The following DMXL2 variants were observed in gnomAD, a reference collection of about 807,000 sequenced individuals.
DMXL2 encodes Dmx like 2.
A neutral mutation model predicts 331.1 loss-of-function variants in DMXL2; 103 were observed. The observed-to-expected ratio is 0.31, with a 90% CI of 0.27 to 0.37. The LOEUF (loss-of-function observed/expected upper bound fraction) is 0.37. Ranked by LOEUF, DMXL2 falls within the 10% of genes least tolerant of loss-of-function variation. DMXL2 has a pLI of 1.00. For synonymous variants in DMXL2, 1,281 were observed against 1,252.1 expected (o/e 1.02, Z -0.49); for missense variants, 3,171 against 3,642.9 (o/e 0.87, Z 3.33).
At chr15:51,452,653 T>C (rs759575254) in intron 41 of DMXL2, among the ~76,000 whole-genome samples, 1 of 152,098 alleles carries the variant, frequency 6.6e-6, no homozygotes, top group Non-Finnish European at 1.5e-5. Context: ...GAATGTAAAC[T>C]AGTAAAACCA....
intron 1 of DMXL2, among the ~76,000 whole-genome samples, chr15:51,598,541 C>T (rs1567170424): frequency 1.3e-5 from 2 of 152,246 alleles, no homozygotes; most frequent in Non-Finnish European, 1.5e-5. Flanking sequence ...TTAGCTATGT[C>T]TTTTTAGACT....
chr15:51,594,660 C>A (rs1371151244), intron 1 of DMXL2, among the ~76,000 whole-genome samples: 3 of 152,124 alleles, frequency 2.0e-5, no homozygotes, highest in African/African-American at 7.2e-5. Context: ...ATGCAAAAAT[C>A]CTCAATAAAA....
intron 1 of DMXL2, among the ~76,000 whole-genome samples, chr15:51,590,567 AT>A (rs201274138): frequency 0.049 from 7,264 of 147,110 alleles, 458 homozygotes; most frequent in African/African-American, 0.15. Flanking sequence ...TTCCATTTTA[AT>A]TTTTTTTTTT....
chr15:51,539,054 C>T (rs1567088697), intron 9 of DMXL2, among the ~76,000 whole-genome samples: 1 of 151,368 alleles, frequency 6.6e-6, no homozygotes, highest in Non-Finnish European at 1.5e-5. Context: ...TACTAAAATA[C>T]AAAAAATTAG....
In DMXL2 at chr15:51,464,731, A is replaced by C; in HGVS notation, c.7752T>G (p.Ala2584=). 6.2e-7 allele frequency: 1 copy of C among 1,614,160 alleles called. No homozygotes were observed. The highest frequency in any genetic ancestry group is 8.5e-7 in the Non-Finnish European group (1 of 1,180,012). Reference sequence around the variant, plus strand: ...CTTTATTTCGAAGAATAGCTGGTCCAGCTCCCACTGAAAGGTCAGTTGGAT... The same window carrying C: ...CTTTATTTCGAAGAATAGCTGGTCCCGCTCCCACTGAAAGGTCAGTTGGAT... ...NTYPTDLSVG[A]GPAILRNKAM... Residue 2584 remains alanine (A), a synonymous_variant, in exon 32 of 44, where the codon GCT becomes GCG. Coordinates refer to ENST00000560891, the MANE Select transcript of DMXL2 (RefSeq NM_001378457.1).
chr15:51,537,294 C>T (rs890933001), intron 11 of DMXL2, among the ~76,000 whole-genome samples, 194 bp downstream of exon 11: 1 of 152,108 alleles, frequency 6.6e-6, no homozygotes, highest in Non-Finnish European at 1.5e-5. Context: ...AGGCCAAATT[C>T]ATTATCTTCT....
chr15:51,503,283 T>C (rs553525824), intron 16 of DMXL2, among the ~76,000 whole-genome samples: 63 of 152,308 alleles, frequency 4.1e-4, no homozygotes, highest in Admixed American at 7.2e-4. Context: ...ACATTTATTG[T>C]AGCACTATTC....
At chr15:51,453,148 G>A (rs1025864435) in intron 41 of DMXL2, 1 of 178,120 alleles carries the variant, frequency 5.6e-6, no homozygotes, top group Non-Finnish European at 1.2e-5. Flanking sequence ...CACTGCTCAG[G>A]TGATGGGTGC....
At chr15:51,602,728 G>T (rs2053311436) in intron 1 of DMXL2, among the ~76,000 whole-genome samples, 1 of 152,190 alleles carries the variant, frequency 6.6e-6, no homozygotes, top group East Asian at 1.9e-4. Context: ...CACTGCAAAG[G>T]CTTTGAAAAT....
At chr15:51,603,434 C>A (rs1402496578) in intron 1 of DMXL2, among the ~76,000 whole-genome samples, 1 of 151,950 alleles carries the variant, frequency 6.6e-6, no homozygotes, top group Non-Finnish European at 1.5e-5. Flanking sequence ...AGTCCTTTAA[C>A]TATTAAATAA....
chr15:51,521,173 T>C (rs1191274846), intron 13 of DMXL2, among the ~76,000 whole-genome samples: 1 of 152,156 alleles, frequency 6.6e-6, no homozygotes, highest in Non-Finnish European at 1.5e-5. Flanking sequence ...GTGACAGCCG[T>C]AGTTGTAAGA....
At chr15:51,545,336 C>G (rs1387701025) in intron 8 of DMXL2, among the ~76,000 whole-genome samples, 1 of 152,072 alleles carries the variant, frequency 6.6e-6, no homozygotes, top group African/African-American at 2.4e-5. Flanking sequence ...AGAACTTGAG[C>G]ATAAAATATC....
chr15:51,508,256 C>T (rs1325412869), intron 15 of DMXL2, among the ~76,000 whole-genome samples: 2 of 152,090 alleles, frequency 1.3e-5, no homozygotes, highest in Non-Finnish European at 2.9e-5. Context: ...CAGCAAACCA[C>T]CATGGCACGT....
At chr15:51,507,006 G>A in intron 16 of DMXL2, 128 bp downstream of exon 16, 1 of 711,830 alleles carries the variant, frequency 1.4e-6, no homozygotes, top group Non-Finnish European at 2.0e-6. Flanking sequence ...AAGTTTAGAA[G>A]AGACATAATT....
chr15:51,475,197 AG>A (rs961833441), intron 27 of DMXL2, among the ~76,000 whole-genome samples: 2 of 152,124 alleles, frequency 1.3e-5, no homozygotes, highest in African/African-American at 4.8e-5. Flanking sequence ...TCCAACATTA[AG>A]AAAAAAATCA....
At chr15:51,594,081 G>C in intron 1 of DMXL2, among the ~76,000 whole-genome samples, 1 of 152,082 alleles carries the variant, frequency 6.6e-6, no homozygotes, top group Non-Finnish European at 1.5e-5. Flanking sequence ...AGAACTGAAG[G>C]AAATAGAGAC....
chr15:51,459,824 T>C lies in DMXL2; in HGVS notation c.7927-164A>G, dbSNP rs939065610. ...TAAACCGAATAAAACAGTCATCAAATAAACACAACACAAAGCCAAAAGAGC... is the reference window on the plus strand; with the variant it reads ...TAAACCGAATAAAACAGTCATCAAACAAACACAACACAAAGCCAAAAGAGC... On this transcript the variant is annotated intron_variant, in intron 33 of 43. Coordinates refer to ENST00000560891, the MANE Select transcript of DMXL2 (RefSeq NM_001378457.1). 65 of 1,183,718 alleles carry C rather than the reference T, an allele frequency of 5.5e-5. 1 individual carries two copies. Among genetic ancestry groups the C allele is most frequent in the Non-Finnish European group, 6.4e-5 (60 of 936,260 alleles). The allele number at this position is 1,183,718 out of a possible 1,614,324, so 73.3% of individuals were successfully genotyped here.
intron 31 of DMXL2, 145 bp downstream of exon 31, chr15:51,465,421 G>T (rs987272250): frequency 1.4e-6 from 1 of 694,448 alleles, no homozygotes; most frequent in Non-Finnish European, 2.5e-6. Flanking sequence ...GTCACAGATT[G>T]GAGCCTAAAA....
chr15:51,507,814 A>C (rs536644838), intron 15 of DMXL2, among the ~76,000 whole-genome samples: 1 of 145,904 alleles, frequency 6.9e-6, no homozygotes, highest in Non-Finnish European at 1.5e-5. Context: ...ACAGCATTAA[A>C]AAAAAAAAAA....
Sources: gnomAD v4.1 joint callset for allele counts (sites outside exome capture counted in the v4.1 genomes callset) on GRCh38, gnomAD v4.1.1 for gene constraint, MANE v1.5 for transcripts, NCBI Gene and HGNC (gene_info 2026-07-23, HGNC 2026-07-21) for gene names.